PRDM5: variants seen among roughly 807,000 people sequenced by gnomAD.
PRDM5 encodes the protein PR domain zinc finger protein 5.
PRDM5 carries 56 observed loss-of-function variants against 81.2 expected under a neutral mutation model. The observed-to-expected ratio is 0.69, with a 90% CI of 0.56 to 0.86. PRDM5 has a LOEUF of 0.86. Ranked by LOEUF, PRDM5 falls within the 40% of genes least tolerant of loss-of-function variation. The pLI is 0.00. For missense variants in PRDM5, 697 were observed against 770.1 expected (o/e 0.91, Z 1.12); for synonymous variants, 267 against 256.4 (o/e 1.04, Z -0.39).
At chr4:120,695,684 T>C (rs1337880244) in intron 15 of PRDM5, among the ~76,000 whole-genome samples, 3 of 152,152 alleles carry the variant, frequency 2.0e-5, no homozygotes, top group Non-Finnish European at 4.4e-5. Flanking sequence ...CTATTTCTTT[T>C]TTCTATTTCT....
chr4:120,760,890 A>G (rs931487288), intron 13 of PRDM5, among the ~76,000 whole-genome samples: 4 of 152,218 alleles, frequency 2.6e-5, no homozygotes, highest in Non-Finnish European at 5.9e-5. Context: ...GAAAATATAT[A>G]AGATAATTTC....
intron 14 of PRDM5, among the ~76,000 whole-genome samples, chr4:120,717,132 C>CT (rs1737903945): frequency 6.6e-6 from 1 of 150,898 alleles, no homozygotes; most frequent in Non-Finnish European, 1.5e-5. Context: ...AAATTATACA[C>CT]TTTAACTCAT....
intron 8 of PRDM5, among the ~76,000 whole-genome samples, chr4:120,805,282 G>A (rs574524195): frequency 4.7e-4 from 71 of 152,288 alleles, no homozygotes; most frequent in Non-Finnish European, 9.3e-4. Flanking sequence ...ACAAGGAGGA[G>A]CTGGTACCAT....
At position 120,798,380 on chromosome 4, in the gene PRDM5, T is replaced by G. The variant is rs772369841; in HGVS notation, c.1075A>C (p.Arg359=). 44 of 1,612,954 alleles carry G rather than the reference T, an allele frequency of 2.7e-5. No individual in the cohort carries two copies. Among genetic ancestry groups the G allele is most frequent in the Non-Finnish European group, 3.6e-5 (43 of 1,179,176 alleles). ...TTGTGAGCACCCACTTGATCAAGCC[T>G]CTTGAAAGACTTATTACAAATCTCG... ...NCEICNKSFK[R]LDQVGAHKVI... is the part of the protein sequence containing the mutation. Residue 359 remains arginine (R), a synonymous_variant, in exon 10 of 16, where the codon AGG becomes CGG. Coordinates refer to ENST00000264808, the MANE Select transcript of PRDM5 (RefSeq NM_018699.4).
intron 3 of PRDM5, chr4:120,839,224 T>A: frequency 1.4e-6 from 1 of 703,000 alleles, no homozygotes; most frequent in Non-Finnish European, 2.6e-6. Context: ...CAGTCTTGTC[T>A]GTGTTACAGC....
chr4:120,817,514 TAAGAG>T (rs1754687846), intron 5 of PRDM5, among the ~76,000 whole-genome samples: 1 of 127,294 alleles, frequency 7.9e-6, no homozygotes, highest in Non-Finnish European at 1.7e-5. Context: ...TGGGAGCACA[TAAGAG>T]AAGAGATATG....
chr4:120,776,926 T>C (rs1056109717), intron 13 of PRDM5, among the ~76,000 whole-genome samples: 2 of 152,168 alleles, frequency 1.3e-5, no homozygotes, highest in African/African-American at 4.8e-5. Context: ...TAGAATCATA[T>C]AGATGTTAAT....
rs577217171 is a variant in PRDM5, at chr4:120,787,569, C to T, written c.1189-2478G>A. Among the ~76,000 whole-genome samples the T allele has an allele frequency of 3.9e-5, 6 of 152,186 alleles. No homozygotes were observed. The South Asian group carries it at 1.0e-3, about 26-fold the overall frequency. On this transcript the variant is annotated intron_variant, in intron 10 of 15. Coordinates refer to ENST00000264808, the MANE Select transcript of PRDM5 (RefSeq NM_018699.4). ...AATTAGAGCTTATCCAGGTTGGTAG[C>T]CACAGATGTGAAGAGAAGTAGTAGA...
Position 120,758,987 on chromosome 4 carries a change from C to G in PRDM5, c.1538-4349G>C, listed in dbSNP as rs147344450. 1.5e-4 allele frequency among the ~76,000 whole-genome samples: 23 copies of G among 152,142 alleles called. No homozygotes were observed. The East Asian group carries it at 4.3e-3, about 28-fold the overall frequency. On this transcript the variant is annotated intron_variant, in intron 13 of 15. Transcript: ENST00000264808. ...AGCCAGGATGGTCTTGATCTCCTGA[C>G]CTCGTCATCCACCCACCTCAACCAC...
chr4:120,904,911 AT>A (rs914368339), intron 2 of PRDM5, among the ~76,000 whole-genome samples: 7 of 152,180 alleles, frequency 4.6e-5, no homozygotes, highest in African/African-American at 1.4e-4. Flanking sequence ...TACAAATAAC[AT>A]TTTTAAAAAA....
chr4:120,904,189 C>CAGAAAAAA (rs1765514086), intron 2 of PRDM5, among the ~76,000 whole-genome samples: 1 of 42,580 alleles, frequency 2.3e-5, no homozygotes, highest in African/African-American at 1.1e-4. Context: ...GACTCCTTCT[C>CAGAAAAAA]AAAAAAAAAA....
chr4:120,787,381 T>C (rs368406091), intron 10 of PRDM5, among the ~76,000 whole-genome samples: 6 of 152,326 alleles, frequency 3.9e-5, no homozygotes, highest in East Asian at 1.9e-4. Context: ...GCAGGAATTT[T>C]GTCTTTTATT....
intron 10 of PRDM5, among the ~76,000 whole-genome samples, chr4:120,789,622 T>C (rs1750284294): frequency 6.6e-6 from 1 of 152,172 alleles, no homozygotes; most frequent in Admixed American, 6.6e-5. Context: ...TCATAGCACA[T>C]TACCATCCCA....
Position 120,786,141 on chromosome 4 carries a change from GAA to G in PRDM5, c.1189-1052_1189-1051del, listed in dbSNP as rs537500566. ...GACAAAAACAAAAAAGTAATTTAAA[GAA>G]AAGTCACTTTATTTATAGCCTATTA... On this transcript the variant is annotated intron_variant, in intron 10 of 15. Transcript: ENST00000264808. 3.1e-3 allele frequency among the ~76,000 whole-genome samples: 466 copies of G among 152,152 alleles called. 3 individuals are homozygous for G. The highest frequency in any genetic ancestry group is 0.011 in the African/African-American group (459 of 41,528).
chr4:120,726,907 C>T (rs540752508), intron 14 of PRDM5, among the ~76,000 whole-genome samples: 1 of 152,298 alleles, frequency 6.6e-6, no homozygotes, highest in Admixed American at 6.5e-5. Flanking sequence ...ATGTGGAAAA[C>T]TCAACTCATG....
chr4:120,765,233 A>T lies in PRDM5; in HGVS notation c.1538-10595T>A, dbSNP rs1242047686. ...TCCAAAAAATTACATGTTTCCTAAG[A>T]CAGTGATTTATTACTATATTCAAAT... On this transcript the variant is annotated intron_variant, in intron 13 of 15. Coordinates refer to ENST00000264808, the MANE Select transcript of PRDM5 (RefSeq NM_018699.4). Among the ~76,000 whole-genome samples the T allele has an allele frequency of 5.3e-5, 8 of 152,332 alleles. No individual in the cohort carries two copies. The South Asian group carries it at 1.4e-3, about 28-fold the overall frequency.
intron 13 of PRDM5, among the ~76,000 whole-genome samples, chr4:120,757,482 T>G (rs1162038601): frequency 1.3e-5 from 2 of 152,206 alleles, no homozygotes; most frequent in African/African-American, 2.4e-5. Flanking sequence ...TAATTTTACA[T>G]GTCAACTTGA....
At chr4:120,796,534 A>G (rs931241774) in intron 10 of PRDM5, among the ~76,000 whole-genome samples, 2 of 152,226 alleles carry the variant, frequency 1.3e-5, no homozygotes, top group East Asian at 3.9e-4. Context: ...AGAAAGGAAT[A>G]AGAGGGTTCC....
intron 2 of PRDM5, among the ~76,000 whole-genome samples, chr4:120,903,484 A>G (rs1347340328): frequency 6.6e-6 from 1 of 152,262 alleles, no homozygotes; most frequent in Non-Finnish European, 1.5e-5. Context: ...ACAAGATTAA[A>G]GATAGCAAGC....
Sources: allele counts gnomAD v4.1 joint callset (sites outside exome capture counted in the v4.1 genomes callset), GRCh38; gene constraint gnomAD v4.1.1; transcripts MANE v1.5; gene names NCBI Gene and HGNC (gene_info 2026-07-23, HGNC 2026-07-21).